Variants in ELOVL5 observed in about 807,000 individuals in gnomAD.
ELOVL5 encodes ELOVL fatty acid elongase 5, also known as very long chain fatty acid elongase 5.
A neutral mutation model predicts 38.6 loss-of-function variants in ELOVL5; 8 were observed. The ratio of observed to expected loss-of-function variants is 0.21; its 90% CI spans 0.12 to 0.37. The LOEUF is 0.37. Ranked by LOEUF, ELOVL5 falls within the 10% of genes least tolerant of loss-of-function variation. ELOVL5 has a pLI of 1.00. For missense variants in ELOVL5, 280 were observed against 367.8 expected (o/e 0.76, Z 1.95); for synonymous variants, 127 against 133.7 (o/e 0.95, Z 0.34).
At chr6:53,339,451 G>C (rs1769225727) in intron 1 of ELOVL5, among the ~76,000 whole-genome samples, 1 of 152,246 alleles carries the variant, frequency 6.6e-6, no homozygotes. Flanking sequence ...GCCCAGCACA[G>C]TGGCCCTTAA....
At chr6:53,319,749 C>G (rs534073751) in intron 1 of ELOVL5, among the ~76,000 whole-genome samples, 41 of 152,346 alleles carry the variant, frequency 2.7e-4, no homozygotes, top group African/African-American at 9.1e-4. Flanking sequence ...CTGCACTGTG[C>G]TGGTTCGGTA....
chr6:53,328,889 C>A (rs1266655210), intron 1 of ELOVL5, among the ~76,000 whole-genome samples: 2 of 152,178 alleles, frequency 1.3e-5, no homozygotes, highest in African/African-American at 4.8e-5. Flanking sequence ...TACCACAGAG[C>A]ACTAAAGCAA....
rs114475995 is a variant in ELOVL5 at position 53,287,890 on chromosome 6, G to A, written c.246+3886C>T. On this transcript the variant is annotated intron_variant, in intron 3 of 7. Transcript: ENST00000304434. ...GTTTTCTGGCAGCTGCTGCTGAGTC[G>A]AAGGATCAGTTCGTGAGGCACAGGC... is the stretch of plus-strand genomic sequence containing the variant. The A allele has an allele frequency of 1.0e-5, 16 of 1,535,572 alleles. No individual in the cohort carries two copies. The highest frequency in any genetic ancestry group is 1.4e-5 in the African/African-American group (1 of 73,036).
chr6:53,273,046 T>C (rs929968383), intron 6 of ELOVL5, among the ~76,000 whole-genome samples, 174 bp downstream of exon 6: 2 of 152,208 alleles, frequency 1.3e-5, no homozygotes, highest in African/African-American at 4.8e-5. Flanking sequence ...CACAGTTCAC[T>C]ATCAGTTCAA....
At chr6:53,277,171 A>C (rs1479013683) in intron 3 of ELOVL5, 1 of 153,754 alleles carries the variant, frequency 6.5e-6, no homozygotes, top group Non-Finnish European at 1.5e-5. Flanking sequence ...GATTACAAGG[A>C]TCTGAAGACA....
At position 53,295,674 on chromosome 6, in the gene ELOVL5, C is replaced by G; in HGVS notation, c.26G>C (p.Ser9Thr). The change falls in exon 2 of 8, where the codon AGT (serine) becomes ACT (threonine). Residue 9 changes from serine to threonine, a missense_variant. Around this residue, in one of 3 missense-constraint regions of ELOVL5, gnomAD observed 150 missense variants for 178.0 expected, o/e 0.84. Transcript: ENST00000304434. ...GCCTAGCAATGCCTTGAAATAGGTA[C>G]TAAGTGATGCATCAAAATGTTCCAT... The part of the protein sequence containing the change: MEHFDASL[S>T]TYFKALLGPR... 6.3e-7 allele frequency: 1 copy of G among 1,596,034 alleles called. No homozygotes were observed. Among genetic ancestry groups the G allele is most frequent in the Non-Finnish European group, 8.5e-7 (1 of 1,174,992 alleles).
rs1329583277 is a variant in ELOVL5, at chr6:53,275,087, T to TA, written c.496+2dup. 6.2e-7 allele frequency: 1 copy of TA among 1,613,596 alleles called. No individual in the cohort carries two copies. Among genetic ancestry groups the TA allele is most frequent in the African/African-American group, 1.3e-5 (1 of 74,884 alleles). The stretch of plus-strand genomic sequence containing the variant: ...TCCCCAAGTCCCCGTCTCTAATACT[T>TA]ACAGTGGCCGCAGGGGACCCAGTTC... On this transcript the variant is annotated splice_region_variant and intron_variant, in intron 5 of 7. Coordinates refer to ENST00000304434, the MANE Select transcript of ELOVL5 (RefSeq NM_021814.5).
At chr6:53,283,911 C>T (rs566649866) in intron 3 of ELOVL5, among the ~76,000 whole-genome samples, 7 of 150,174 alleles carry the variant, frequency 4.7e-5, no homozygotes, top group Admixed American at 6.6e-5. Flanking sequence ...GAACTACTTA[C>T]GAAAAAAATT....
At chr6:53,305,648 C>A (rs9474482) in intron 1 of ELOVL5, among the ~76,000 whole-genome samples, 1 of 148,634 alleles carries the variant, frequency 6.7e-6, no homozygotes, top group Non-Finnish European at 1.5e-5. Flanking sequence ...GATGGGATGG[C>A]GGCCGGGAAG....
chr6:53,330,483 C>G (rs1057448462), intron 1 of ELOVL5, among the ~76,000 whole-genome samples: 136 of 145,996 alleles, frequency 9.3e-4, no homozygotes, highest in African/African-American at 3.2e-3. Flanking sequence ...AATAAATTAA[C>G]CTTAGTTTAT....
At position 53,273,087 on chromosome 6, in the gene ELOVL5, A is replaced by G. The variant is rs539911231; in HGVS notation, c.621+133T>C. The G allele has an allele frequency of 1.6e-4, 163 of 990,002 alleles. 2 individuals are homozygous for G. The African/African-American group carries it at 1.7e-3, about 10-fold the overall frequency. 61.3% of individuals were successfully genotyped at this position (990,002 alleles called of 1,614,324 possible). A position where few individuals can be genotyped will look rare whatever the true frequency, so the allele number is the denominator to read the frequency against. ...GAAAATTCCCTAATCTACCCACTTC[A>G]AGGAATTTAATTACATCAAATGAAA... On this transcript the variant is annotated intron_variant, in intron 6 of 7. Coordinates refer to ENST00000304434, the MANE Select transcript of ELOVL5 (RefSeq NM_021814.5).
intron 1 of ELOVL5, among the ~76,000 whole-genome samples, chr6:53,339,979 T>G (rs180934432): frequency 1.3e-5 from 2 of 152,146 alleles, no homozygotes; most frequent in African/African-American, 4.8e-5. Context: ...GACGGTGACA[T>G]TGATGATCCT....
At chr6:53,346,668 C>G (rs1333995656) in intron 1 of ELOVL5, among the ~76,000 whole-genome samples, 1 of 151,980 alleles carries the variant, frequency 6.6e-6, no homozygotes, top group Non-Finnish European at 1.5e-5. Flanking sequence ...GTAAAACTCT[C>G]TCTTCACACT....
chr6:53,294,338 G>A, intron 2 of ELOVL5: 1 of 1,576,532 alleles, frequency 6.3e-7, no homozygotes, highest in Non-Finnish European at 8.6e-7. Flanking sequence ...GATGACAGCT[G>A]GCAAAGAGCT....
intron 3 of ELOVL5, among the ~76,000 whole-genome samples, chr6:53,281,502 G>T (rs1244946421): frequency 2.6e-5 from 4 of 152,196 alleles, no homozygotes; most frequent in Admixed American, 6.5e-5. Context: ...TCAAACAGCA[G>T]TTCCAAGCAT....
At chr6:53,291,745 G>T (rs1420138593) in intron 3 of ELOVL5, 31 bp downstream of exon 3, 27 of 1,541,428 alleles carry the variant, frequency 1.8e-5, no homozygotes, top group Non-Finnish European at 2.3e-5. Context: ...GCATTTATGT[G>T]AAAGGAAGAC....
chr6:53,288,005 G>T (rs986920808), intron 3 of ELOVL5: 3 of 1,358,400 alleles, frequency 2.2e-6, no homozygotes, highest in Non-Finnish European at 3.0e-6. Flanking sequence ...CACAGCAGGA[G>T]AAGAGTAGAC....
intron 1 of ELOVL5, among the ~76,000 whole-genome samples, chr6:53,301,440 CCA>C (rs1490841599): frequency 1.3e-5 from 2 of 152,130 alleles, no homozygotes; most frequent in Non-Finnish European, 2.9e-5. Context: ...GGCTGGTTCC[CCA>C]CACACTGACA....
intron 3 of ELOVL5, among the ~76,000 whole-genome samples, chr6:53,288,202 T>C (rs1766644899): frequency 6.6e-6 from 1 of 152,134 alleles, no homozygotes; most frequent in Admixed American, 6.5e-5. Flanking sequence ...GTAGAGGTTC[T>C]CAATTTTGGG....
Sources: gnomAD v4.1 joint callset for allele counts (sites outside exome capture counted in the v4.1 genomes callset) on GRCh38, gnomAD v4.1.1 for gene constraint, gnomAD v4.1.1 regional missense constraint, MANE v1.5 for transcripts, NCBI Gene and HGNC (gene_info 2026-07-23, HGNC 2026-07-21) for gene names.